Variants in TNFSF11 observed in about 807,000 individuals in gnomAD.
TNFSF11 encodes the protein TNF superfamily member 11, also known as tumor necrosis factor ligand superfamily member 11.
A neutral mutation model predicts 32.2 loss-of-function variants in TNFSF11; 12 were observed. The observed-to-expected ratio is 0.37, with a 90% CI of 0.24 to 0.60. The LOEUF is 0.60. Among genes scored for constraint, TNFSF11 ranks in the 20% least tolerant of loss-of-function variants. The pLI, the probability that TNFSF11 is intolerant of heterozygous loss-of-function variation, is 0.66. For missense variants in TNFSF11, 345 were observed against 398.0 expected (o/e 0.87, Z 1.13); for synonymous variants, 172 against 152.1 (o/e 1.13, Z -0.96).
chr13:42,563,665 A>G (rs1872765326), intron 1 of TNFSF11, among the ~76,000 whole-genome samples: 1 of 8,156 alleles, frequency 1.2e-4, no homozygotes, highest in Non-Finnish European at 3.4e-4. Flanking sequence ...CTCCGTCTCA[A>G]AAAAAAAAAA....
At chr13:42,603,769 A>G (rs1869302366) in intron 4 of TNFSF11, among the ~76,000 whole-genome samples, 3 of 152,194 alleles carry the variant, frequency 2.0e-5, no homozygotes, top group African/African-American at 7.2e-5. Context: ...TGCATATTTT[A>G]TATGCTCATT....
At chr13:42,595,128 GA>G (rs1868731717) in intron 2 of TNFSF11, among the ~76,000 whole-genome samples, 1 of 152,198 alleles carries the variant, frequency 6.6e-6, no homozygotes, top group African/African-American at 2.4e-5. Flanking sequence ...TGCAAAGGCT[GA>G]CTGCGGCGTT....
At chr13:42,586,544 A>G (rs17063444) in intron 2 of TNFSF11, among the ~76,000 whole-genome samples, 198 of 152,294 alleles carry the variant, frequency 1.3e-3, no homozygotes, top group African/African-American at 4.6e-3. Flanking sequence ...TCACATTTTC[A>G]TCAGGCTTCT....
chr13:42,575,582 G>T (rs1217443465), intron 1 of TNFSF11, among the ~76,000 whole-genome samples: 1 of 152,114 alleles, frequency 6.6e-6, no homozygotes, highest in Non-Finnish European at 1.5e-5. Context: ...GCATTGCTTG[G>T]ATTGTATGGT....
intron 1 of TNFSF11, among the ~76,000 whole-genome samples, chr13:42,564,209 A>C (rs1872787784): frequency 6.6e-6 from 1 of 152,050 alleles, no homozygotes; most frequent in Non-Finnish European, 1.5e-5. Context: ...GCAGTTCTCT[A>C]TCTCTTCATC....
At chr13:42,586,271 G>A (rs1012651555) in intron 2 of TNFSF11, among the ~76,000 whole-genome samples, 1 of 152,172 alleles carries the variant, frequency 6.6e-6, no homozygotes, top group Non-Finnish European at 1.5e-5. Context: ...ATCACACTTA[G>A]TTTATTCTCA....
intron 2 of TNFSF11, among the ~76,000 whole-genome samples, chr13:42,594,204 G>A (rs1423240456): frequency 2.2e-4 from 33 of 151,904 alleles, no homozygotes; most frequent in Non-Finnish European, 2.9e-5. Flanking sequence ...TTAGCCTCCC[G>A]AGTACCTGGG....
chr13:42,603,329 C>A (rs1413096937), intron 4 of TNFSF11, among the ~76,000 whole-genome samples: 2 of 152,146 alleles, frequency 1.3e-5, no homozygotes, highest in African/African-American at 4.8e-5. Flanking sequence ...CGGTACTTAG[C>A]AGCAGGGACT....
At chr13:42,570,973 T>C (rs1873044399), upstream of TNFSF11, among the ~76,000 whole-genome samples, 1 of 152,210 alleles carries the variant, frequency 6.6e-6, no homozygotes, top group Non-Finnish European at 1.5e-5. Flanking sequence ...GTTAGTGATT[T>C]GTGTGATGAT....
chr13:42,592,746 G>T (rs1179513844), intron 2 of TNFSF11, among the ~76,000 whole-genome samples: 1 of 152,158 alleles, frequency 6.6e-6, no homozygotes, highest in Non-Finnish European at 1.5e-5. Flanking sequence ...TGTCAAGGGT[G>T]GGACCAGGTA....
intron 2 of TNFSF11, among the ~76,000 whole-genome samples, chr13:42,591,140 G>T (rs1868448446): frequency 6.6e-6 from 1 of 152,210 alleles, no homozygotes; most frequent in African/African-American, 2.4e-5. Flanking sequence ...GCAATTAGGA[G>T]GCTGAGTGCA....
At chr13:42,588,000 T>C (rs1303351877) in intron 2 of TNFSF11, among the ~76,000 whole-genome samples, 1 of 152,216 alleles carries the variant, frequency 6.6e-6, no homozygotes, top group Non-Finnish European at 1.5e-5. Flanking sequence ...TACAAGAGTA[T>C]GTGTCCGAAG....
Position 42,607,965 on chromosome 13 carries a change from T to A in TNFSF11, c.*1047T>A, listed in dbSNP as rs1404878193. 1 of 152,772 alleles carries A rather than the reference T, an allele frequency of 6.5e-6. No homozygotes were observed. Among genetic ancestry groups the A allele is most frequent in the African/African-American group, 2.4e-5 (1 of 41,456 alleles). 9.5% of individuals were successfully genotyped at this position (152,772 alleles called of 1,614,324 possible). A position where few individuals can be genotyped will look rare whatever the true frequency, so the allele number is the denominator to read the frequency against. ...TATACTGTACAATAAAAACATTGCCTTTGAATGTTAATTTTTTGGTACAAA... is the reference window on the plus strand; with the variant it reads ...TATACTGTACAATAAAAACATTGCCATTGAATGTTAATTTTTTGGTACAAA... On this transcript the variant is annotated 3_prime_UTR_variant, in exon 5 of 5. Coordinates refer to ENST00000398795, the MANE Select transcript of TNFSF11 (RefSeq NM_003701.4).
At chr13:42,564,765 G>A (rs1338309038) in intron 1 of TNFSF11, among the ~76,000 whole-genome samples, 1 of 152,190 alleles carries the variant, frequency 6.6e-6, no homozygotes, top group African/African-American at 2.4e-5. Context: ...GCTAAGGTGA[G>A]GACTTCAATC....
At chr13:42,602,692 A>T (rs749729531) in intron 4 of TNFSF11, among the ~76,000 whole-genome samples, 1 of 152,244 alleles carries the variant, frequency 6.6e-6, no homozygotes, top group African/African-American at 2.4e-5. Context: ...ATAAATATGG[A>T]TGCATCTGTA....
At chr13:42,588,205 CCA>C (rs1479355078) in intron 2 of TNFSF11, among the ~76,000 whole-genome samples, 1 of 152,168 alleles carries the variant, frequency 6.6e-6, no homozygotes, top group Admixed American at 6.5e-5. Flanking sequence ...GAAGTAAGAC[CCA>C]CAGAGTTTTC....
chr13:42,573,255 A>T (rs1873136300), upstream of TNFSF11, among the ~76,000 whole-genome samples: 1 of 152,172 alleles, frequency 6.6e-6, no homozygotes, highest in Non-Finnish European at 1.5e-5. Context: ...TTAATAAAAA[A>T]GTGGAAACAT....
chr13:42,605,114 G>A (rs1297898208), intron 4 of TNFSF11, among the ~76,000 whole-genome samples: 1 of 152,166 alleles, frequency 6.6e-6, no homozygotes, highest in African/African-American at 2.4e-5. Context: ...GCTCTCATAA[G>A]GATTCACTCT....
At chr13:42,595,741 A>C (rs1231622075) in intron 2 of TNFSF11, among the ~76,000 whole-genome samples, 1 of 152,262 alleles carries the variant, frequency 6.6e-6, no homozygotes, top group African/African-American at 2.4e-5. Context: ...AAATAAGATA[A>C]AATGTACATA....
Sources: gnomAD v4.1 joint callset for allele counts (sites outside exome capture counted in the v4.1 genomes callset) on GRCh38, gnomAD v4.1.1 for gene constraint, MANE v1.5 for transcripts, NCBI Gene and HGNC (gene_info 2026-07-23, HGNC 2026-07-21) for gene names.